The following APC variants were observed in gnomAD, a reference collection of about 807,000 sequenced individuals.
The protein encoded by APC is APC regulator of Wnt signaling pathway.
In APC, 72 loss-of-function variants were observed where a neutral mutation model predicts 247.0. The ratio of observed to expected loss-of-function variants is 0.29; its 90% CI spans 0.24 to 0.35. The LOEUF is 0.35. Among genes scored for constraint, APC ranks in the 10% least tolerant of loss-of-function variants. The pLI is 1.00. For synonymous variants in APC, 1,254 were observed against 1,162.5 expected (o/e 1.08, Z -1.60); for missense variants, 3,400 against 3,360.7 (o/e 1.01, Z -0.29).
At position 112,841,309 on chromosome 5, in the gene APC, A is replaced by G. The variant is rs779869418; in HGVS notation, c.5715A>G (p.Gln1905=). Residue 1905 remains glutamine (Q), a synonymous_variant, in exon 16 of 16, where the codon CAA becomes CAG. Coordinates refer to ENST00000257430, the MANE Select transcript of APC (RefSeq NM_000038.6). The surrounding 1 kb of genome is among the most constrained non-coding windows in gnomAD (Gnocchi z 4.6). Reference sequence around the variant, plus strand: ...ACACAGAACTAACCTCCAACCAACAATCAGCTAATAAGACACAAGCTATTG... The same window carrying G: ...ACACAGAACTAACCTCCAACCAACAGTCAGCTAATAAGACACAAGCTATTG... ...TSHTELTSNQ[Q]SANKTQAIAK... 10 of 1,613,910 alleles carry G rather than the reference A, an allele frequency of 6.2e-6. No individual in the cohort carries two copies. Among genetic ancestry groups the G allele is most frequent in the Admixed American group, 1.7e-5 (1 of 59,978 alleles).
At chr5:112,738,274 AC>A (rs1752560873) in intron 1 of APC, 2 of 985,378 alleles carry the variant, frequency 2.0e-6, no homozygotes, top group Non-Finnish European at 2.4e-6. Flanking sequence ...GTAGAGGACA[AC>A]AAAGAATGGA....
intron 15 of APC, among the ~76,000 whole-genome samples, chr5:112,837,175 C>T (rs774840234): frequency 6.6e-6 from 1 of 152,190 alleles, no homozygotes; most frequent in Non-Finnish European, 1.5e-5. Context: ...ATCAGAGTGG[C>T]ACCCAACCAT....
At chr5:112,708,778 T>G (rs1297828697) in intron 1 of APC, among the ~76,000 whole-genome samples, 3 of 152,250 alleles carry the variant, frequency 2.0e-5, no homozygotes, top group Non-Finnish European at 4.4e-5. Context: ...TTCTCGATTG[T>G]TGTTACTGTT....
chr5:112,781,913 C>T (rs1758394657), intron 6 of APC, among the ~76,000 whole-genome samples: 1 of 152,118 alleles, frequency 6.6e-6, no homozygotes, highest in African/African-American at 2.4e-5. Flanking sequence ...GCCACCATGC[C>T]CAGCTAGTTT....
At chr5:112,732,060 C>G (rs186003076) in intron 1 of APC, among the ~76,000 whole-genome samples, 6 of 152,258 alleles carry the variant, frequency 3.9e-5, no homozygotes, top group Admixed American at 3.9e-4. Context: ...TTGCACATGA[C>G]CAGAACATTT....
chr5:112,782,630 CAGAA>C (rs1413434901), intron 6 of APC, among the ~76,000 whole-genome samples: 3 of 152,140 alleles, frequency 2.0e-5, no homozygotes, highest in Non-Finnish European at 4.4e-5. Context: ...CTATCCCAGT[CAGAA>C]AGATTCGTGA....
chr5:112,769,044 T>C (rs891941452), intron 4 of APC, among the ~76,000 whole-genome samples: 6 of 136,784 alleles, frequency 4.4e-5, no homozygotes, highest in East Asian at 2.5e-4. Context: ...TTTTCTTTTT[T>C]TTCTTCTTTT....
upstream of APC, among the ~76,000 whole-genome samples, chr5:112,734,384 C>G (rs1318078917): frequency 6.6e-6 from 1 of 152,196 alleles, no homozygotes; most frequent in African/African-American, 2.4e-5. Flanking sequence ...CTTATCTCTT[C>G]TTAGGCTTTT....
chr5:112,717,908 C>CTTTTTTTTTTTTTTTTTTTTTTTTT, intron 1 of APC, among the ~76,000 whole-genome samples: 410 of 40,690 alleles, frequency 0.01, 138 homozygotes, highest in African/African-American at 0.012. Flanking sequence ...TTTTCTTTTT[C>CTTTTTTTTTTTTTTTTTTTTTTTTT]TTTTTTTTTT....
chr5:112,800,808 A>G (rs1760735287), intron 7 of APC, among the ~76,000 whole-genome samples: 1 of 151,832 alleles, frequency 6.6e-6, no homozygotes, highest in African/African-American at 2.4e-5. Flanking sequence ...ATTTTATTTC[A>G]CCTAACTTTT....
In APC at chr5:112,843,504, G is replaced by T. The variant is rs752753706; in HGVS notation, c.7910G>T (p.Gly2637Val). 6.2e-7 allele frequency: 1 copy of T among 1,613,858 alleles called. No individual in the cohort carries two copies. The highest frequency in any genetic ancestry group is 8.5e-7 in the Non-Finnish European group (1 of 1,179,826). Residue 2637 changes from glycine (G) to valine (V), a missense_variant, in exon 16 of 16, where the codon GGT (glycine) becomes GTT (valine). This residue lies in a region of APC where 1,788 missense variants were observed against 1,649.5 expected (regional missense o/e 1.08). Coordinates refer to ENST00000257430, the MANE Select transcript of APC (RefSeq NM_000038.6). This position sits in a 1 kb window ranked among gnomAD's most constrained non-coding sequence, Gnocchi z 4.8. ...ACCGTTTCCTCAGGTGCTACAAATG[G>T]TGCTGAATCAAAGACTCTAATTTAT... ...SQTVSSGATN[G>V]AESKTLIYQM...
In APC at chr5:112,844,252, T is replaced by G; in HGVS notation, c.*126T>G. 1 of 915,196 alleles carries G rather than the reference T, an allele frequency of 1.1e-6. No individual in the cohort carries two copies. The highest frequency in any genetic ancestry group is 1.6e-6 in the Non-Finnish European group (1 of 612,088). 56.7% of individuals were successfully genotyped at this position (915,196 alleles called of 1,614,324 possible). A position where few individuals can be genotyped will look rare whatever the true frequency, so the allele number is the denominator to read the frequency against. ...AATAGGTTTGATTCTTGTTAGAGGG[T>G]TTTTGTTCTGGAAGCCATATTTGAT... On this transcript the variant is annotated 3_prime_UTR_variant, in exon 16 of 16. Transcript: ENST00000257430.
intron 1 of APC, chr5:112,707,925 T>TTCCTC: frequency 7.6e-7 from 1 of 1,321,436 alleles, no homozygotes; most frequent in African/African-American, 1.5e-5. Context: ...CCGGCAAAGC[T>TTCCTC]TCCTCGGCTT....
intron 8 of APC, among the ~76,000 whole-genome samples, chr5:112,814,616 A>T (rs1476260367): frequency 6.6e-6 from 1 of 152,032 alleles, no homozygotes; most frequent in African/African-American, 2.4e-5. Flanking sequence ...GAACCACTCA[A>T]CTGCTGAAAA....
At chr5:112,715,907 T>C (rs1387844908) in intron 1 of APC, among the ~76,000 whole-genome samples, 1 of 152,210 alleles carries the variant, frequency 6.6e-6, no homozygotes, top group Non-Finnish European at 1.5e-5. Flanking sequence ...ATTTTAAATT[T>C]ACTGGCATGA....
intron 8 of APC, among the ~76,000 whole-genome samples, chr5:112,814,878 T>C (rs1346467412): frequency 1.3e-5 from 2 of 152,222 alleles, no homozygotes; most frequent in African/African-American, 4.8e-5. Context: ...TCCGTCAGTC[T>C]CCTGTCACAA....
At chr5:112,779,342 G>A (rs889865373) in intron 5 of APC, among the ~76,000 whole-genome samples, 12 of 152,166 alleles carry the variant, frequency 7.9e-5, no homozygotes, top group African/African-American at 2.2e-4. Context: ...GTTCAGGAAA[G>A]AGCTTAAATG....
chr5:112,710,589 T>A (rs955748276), intron 1 of APC, among the ~76,000 whole-genome samples: 4 of 152,188 alleles, frequency 2.6e-5, no homozygotes, highest in Admixed American at 6.5e-5. Context: ...GCCATATAAG[T>A]GTGTGTGCTG....
At chr5:112,791,981 C>T (rs1042008942) in intron 6 of APC, among the ~76,000 whole-genome samples, 4 of 152,076 alleles carry the variant, frequency 2.6e-5, no homozygotes, top group African/African-American at 9.7e-5. Flanking sequence ...CACAGTGGCT[C>T]ACGCCTGTAA....
Sources: allele counts gnomAD v4.1 joint callset (sites outside exome capture counted in the v4.1 genomes callset), GRCh38; gene constraint gnomAD v4.1.1; regional missense constraint gnomAD v4.1.1; non-coding constraint Gnocchi (gnomAD v3.1); transcripts MANE v1.5; gene names NCBI Gene and HGNC (gene_info 2026-07-23, HGNC 2026-07-21).